ATRN: variants seen among roughly 807,000 people sequenced by gnomAD.
ATRN encodes attractin-2.
Under a neutral mutation model 178.7 loss-of-function variants are expected in ATRN, and 54 were observed. The ratio of observed to expected loss-of-function variants is 0.30; its 90% CI spans 0.24 to 0.38. The LOEUF is 0.38. Ranked by LOEUF, ATRN falls within the 10% of genes least tolerant of loss-of-function variation. ATRN has a pLI of 1.00. For synonymous variants in ATRN, 636 were observed against 663.0 expected, an observed-to-expected ratio of 0.96 and a Z score of 0.63; for missense variants, 1,443 against 1,815.1, an observed-to-expected ratio of 0.79 and a Z score of 3.73.
In ATRN at chr20:3,540,796, A is replaced by G. The variant is rs187452517; in HGVS notation, c.608+461A>G. On this transcript the variant is annotated intron_variant, in intron 3 of 28. Coordinates refer to ENST00000262919, the MANE Select transcript of ATRN (RefSeq NM_139321.3). ...TGTGCGTGTGTGTGTGTGTATGTGC[A>G]TCATGAGTGAGGGAAACTTTTTGGA... 7.2e-3 allele frequency among the ~76,000 whole-genome samples: 1,098 copies of G among 152,294 alleles called. 15 individuals carry two copies. Among genetic ancestry groups the G allele is most frequent in the African/African-American group, 0.025 (1,023 of 41,564 alleles).
At chr20:3,608,007 G>A (rs2086699988) in intron 24 of ATRN, among the ~76,000 whole-genome samples, 1 of 152,028 alleles carries the variant, frequency 6.6e-6, no homozygotes, top group Non-Finnish European at 1.5e-5. Flanking sequence ...TTGGCCATTT[G>A]TATGTCTTCT....
Position 3,564,372 on chromosome 20 carries a change from G to A in ATRN, c.1787-976G>A, listed in dbSNP as rs61361383. Among the ~76,000 whole-genome samples, 718 of 152,268 alleles carry A rather than the reference G, an allele frequency of 4.7e-3. 3 individuals carry two copies. The highest frequency in any genetic ancestry group is 0.016 in the African/African-American group (660 of 41,554). Reference sequence around the variant, plus strand: ...CTCTCTGGGTCCTTGGGGACACTAGGTGTCAGGTAGGTGAAGTTAGGCAGC... The same window carrying A: ...CTCTCTGGGTCCTTGGGGACACTAGATGTCAGGTAGGTGAAGTTAGGCAGC... On this transcript the variant is annotated intron_variant, in intron 10 of 28. Transcript: ENST00000262919.
At chr20:3,511,720 G>A (rs933512831) in intron 1 of ATRN, among the ~76,000 whole-genome samples, 1 of 152,048 alleles carries the variant, frequency 6.6e-6, no homozygotes, top group African/African-American at 2.4e-5. Flanking sequence ...TTATCACACA[G>A]ATCAACAACG....
At chr20:3,511,389 G>A (rs1038288882) in intron 1 of ATRN, among the ~76,000 whole-genome samples, 3 of 151,662 alleles carry the variant, frequency 2.0e-5, no homozygotes, top group Non-Finnish European at 4.4e-5. Context: ...GGGAGATCAC[G>A]GTAGATCTTA....
intron 1 of ATRN, chr20:3,490,071 G>T (rs1237870499): frequency 1.0e-5 from 13 of 1,245,578 alleles, no homozygotes; most frequent in South Asian, 2.4e-5. Context: ...CAATGTCTTT[G>T]TTCTCTCAAT....
chr20:3,607,450 C>T lies in ATRN; in HGVS notation c.3801+3188C>T, dbSNP rs563440987. Among the ~76,000 whole-genome samples, 8 of 152,124 alleles carry T rather than the reference C, an allele frequency of 5.3e-5. No individual in the cohort carries two copies. In the South Asian group the frequency reaches 1.7e-3, roughly 32 times the overall value. On this transcript the variant is annotated intron_variant, in intron 24 of 28. Transcript: ENST00000262919. Reference sequence around the variant, plus strand: ...CTCCATGAGATCAGTTTTTTTAGCTCCCACATCTGAGTGAGAAAACATATC... The same window carrying T: ...CTCCATGAGATCAGTTTTTTTAGCTTCCACATCTGAGTGAGAAAACATATC...
At chr20:3,644,721 T>C (rs561579164) in intron 28 of ATRN, among the ~76,000 whole-genome samples, 5 of 152,334 alleles carry the variant, frequency 3.3e-5, no homozygotes, top group African/African-American at 4.8e-5. Context: ...GTTTCTTCAA[T>C]TGGTATTTCT....
At chr20:3,609,348 A>G (rs1391447793) in intron 24 of ATRN, among the ~76,000 whole-genome samples, 2 of 152,262 alleles carry the variant, frequency 1.3e-5, no homozygotes, top group East Asian at 1.9e-4. Context: ...CGTTGCTCCT[A>G]TATAGAAATG....
At chr20:3,507,869 A>G (rs1450879231) in intron 1 of ATRN, among the ~76,000 whole-genome samples, 1 of 151,792 alleles carries the variant, frequency 6.6e-6, no homozygotes, top group Non-Finnish European at 1.5e-5. Flanking sequence ...TTTTAGTGAA[A>G]TACGAAAATT....
intron 23 of ATRN, among the ~76,000 whole-genome samples, chr20:3,603,541 G>A (rs561318314): frequency 9.3e-5 from 14 of 151,298 alleles, no homozygotes; most frequent in African/African-American, 3.4e-4. Flanking sequence ...CTAGGCTGGA[G>A]TGCAATGGCG....
Position 3,582,731 on chromosome 20 carries a change from A to G in ATRN, c.2764+377A>G, listed in dbSNP as rs1442370981. Among the ~76,000 whole-genome samples, 3 of 152,182 alleles carry G rather than the reference A, an allele frequency of 2.0e-5. No individual in the cohort carries two copies. The East Asian group carries it at 5.8e-4, about 29-fold the overall frequency. On this transcript the variant is annotated intron_variant, in intron 16 of 28. Transcript: ENST00000262919. ...AAAGGAAAATAAAAACAAAGAAAAG[A>G]TTAGTAAAGCAAGCAAGTGACTGCA...
chr20:3,611,141 A>G (rs2086758510), intron 24 of ATRN, among the ~76,000 whole-genome samples: 1 of 152,228 alleles, frequency 6.6e-6, no homozygotes, highest in African/African-American at 2.4e-5. Context: ...AAACCTTTTT[A>G]GACTCGATAC....
chr20:3,546,398 T>G (rs1290550838), intron 4 of ATRN, among the ~76,000 whole-genome samples: 4 of 149,272 alleles, frequency 2.7e-5, no homozygotes, highest in South Asian at 2.2e-4. Flanking sequence ...TGTTTTTTTT[T>G]TTTTTTTTTT....
At chr20:3,492,356 G>A (rs142083169) in intron 1 of ATRN, among the ~76,000 whole-genome samples, 14 of 152,192 alleles carry the variant, frequency 9.2e-5, no homozygotes, top group Admixed American at 2.0e-4. Flanking sequence ...GTCAGGAACA[G>A]GAGGAGTTCA....
chr20:3,487,753 A>G (rs1243400403), intron 1 of ATRN, among the ~76,000 whole-genome samples: 1 of 152,180 alleles, frequency 6.6e-6, no homozygotes, highest in Non-Finnish European at 1.5e-5. Context: ...ATGGGTACCT[A>G]GAACCCAAGT....
At chr20:3,575,191 T>C (rs1410232601) in intron 12 of ATRN, among the ~76,000 whole-genome samples, 6 of 152,210 alleles carry the variant, frequency 3.9e-5, no homozygotes, top group African/African-American at 1.4e-4. Flanking sequence ...CTTGAATTCC[T>C]GACCTTGTGA....
intron 16 of ATRN, 149 bp from the exon 17 acceptor site, chr20:3,583,749 A>G (rs1676881081): frequency 6.9e-6 from 5 of 721,002 alleles, no homozygotes; most frequent in Non-Finnish European, 1.1e-5. Context: ...CGGAGGTTGC[A>G]GTGAGCCGAA....
intron 7 of ATRN, 109 bp downstream of exon 7, chr20:3,559,592 CT>C: frequency 1.2e-6 from 1 of 832,282 alleles, no homozygotes; most frequent in Non-Finnish European, 1.9e-6. Context: ...TTGGGGAAAA[CT>C]TTTTATTGGG....
chr20:3,575,457 T>G (rs2146247091), intron 12 of ATRN, among the ~76,000 whole-genome samples: 1 of 152,328 alleles, frequency 6.6e-6, no homozygotes, highest in African/African-American at 2.4e-5. Context: ...AGGAATGACT[T>G]GGTGTCCTAC....
Sources: allele counts gnomAD v4.1 joint callset (sites outside exome capture counted in the v4.1 genomes callset), GRCh38; gene constraint gnomAD v4.1.1; transcripts MANE v1.5; gene names NCBI Gene and HGNC (gene_info 2026-07-23, HGNC 2026-07-21).